ASXL3: variants seen among roughly 807,000 people sequenced by gnomAD.
ASXL3 encodes the protein ASXL transcriptional regulator 3, also known as putative Polycomb group protein ASXL3.
A neutral mutation model predicts 170.6 loss-of-function variants in ASXL3; 34 were observed. The observed-to-expected ratio is 0.20, with a 90% confidence interval of 0.15 to 0.27. The LOEUF is 0.27. Among genes scored for constraint, ASXL3 ranks in the 10% least tolerant of loss-of-function variants. The pLI is 1.00. For synonymous variants in ASXL3, 1,002 were observed against 989.1 expected (o/e 1.01, Z -0.24); for missense variants, 2,592 against 2,695.3 (o/e 0.96, Z 0.85).
chr18:33,702,623 C>T (rs2066893028), intron 8 of ASXL3, among the ~76,000 whole-genome samples: 2 of 152,078 alleles, frequency 1.3e-5, no homozygotes, highest in Admixed American at 1.3e-4. Flanking sequence ...TTTATTTTAT[C>T]ATTATATACC....
chr18:33,590,111 G>GTTTTTTTTTTTTTTGT (rs2065064889), intron 1 of ASXL3, among the ~76,000 whole-genome samples: 1 of 83,184 alleles, frequency 1.2e-5, no homozygotes, highest in African/African-American at 6.9e-5. Context: ...TGCTTTCTAT[G>GTTTTTTTTTTTTTTGT]TTTTTTTTTT....
At chr18:33,742,738 C>T (rs1349669424) in intron 11 of ASXL3, 150 bp from the exon 12 acceptor site, 4 of 1,182,308 alleles carry the variant, frequency 3.4e-6, no homozygotes, top group African/African-American at 3.1e-5. Context: ...TGCTTTATGC[C>T]CTAAGGGTGC....
At chr18:33,598,532 T>C (rs1222073834) in intron 1 of ASXL3, among the ~76,000 whole-genome samples, 1 of 152,176 alleles carries the variant, frequency 6.6e-6, no homozygotes, top group Non-Finnish European at 1.5e-5. Flanking sequence ...AGTTAACTAA[T>C]GTCTGCCTCT....
chr18:33,684,636 C>T (rs998524723), intron 8 of ASXL3, among the ~76,000 whole-genome samples: 1 of 152,036 alleles, frequency 6.6e-6, no homozygotes, highest in African/African-American at 2.4e-5. Context: ...AATATTTACC[C>T]TGAATATGAT....
At chr18:33,684,431 TTTTA>T (rs2066560757) in intron 8 of ASXL3, among the ~76,000 whole-genome samples, 1 of 152,166 alleles carries the variant, frequency 6.6e-6, no homozygotes. Context: ...TTTCTTAGCT[TTTTA>T]TTTGCTTCTG....
chr18:33,738,355 ATTAAGCATG>A, intron 10 of ASXL3, 123 bp from the exon 11 acceptor site: 1 of 952,748 alleles, frequency 1.0e-6, no homozygotes, highest in Non-Finnish European at 1.5e-6. Flanking sequence ...GTTTACATAA[ATTAAGCATG>A]TTAATGATTA....
chr18:33,727,509 T>TA (rs1399326439), intron 8 of ASXL3, among the ~76,000 whole-genome samples: 1 of 152,176 alleles, frequency 6.6e-6, no homozygotes, highest in African/African-American at 2.4e-5. Context: ...TAAACCTTTA[T>TA]AAAAGTATCT....
At chr18:33,688,285 GTT>G (rs541949761) in intron 8 of ASXL3, among the ~76,000 whole-genome samples, 1 of 152,136 alleles carries the variant, frequency 6.6e-6, no homozygotes, top group African/African-American at 2.4e-5. Context: ...GTAAAAATCT[GTT>G]TTTTAGAAGT....
rs1389876134 is a variant in ASXL3, at chr18:33,744,063, C to T, written c.4215C>T (p.Asp1405=). The T allele has an allele frequency of 1.2e-6, 2 of 1,613,946 alleles. No homozygotes were observed. The highest frequency in any genetic ancestry group is 1.3e-5 in the African/African-American group (1 of 74,950). Reference sequence around the variant, plus strand: ...GCAGTGATTCTGTAGCGGTCACAGACTCTCTGGTTGCACACCCGACCGTCG... The same window carrying T: ...GCAGTGATTCTGTAGCGGTCACAGATTCTCTGGTTGCACACCCGACCGTCG... ...LSCSDSVAVT[D]SLVAHPTVAM... The change falls in exon 12 of 12, where the codon GAC becomes GAT. Residue 1405 remains aspartate (D), a synonymous_variant. Transcript: ENST00000269197.
chr18:33,675,232 G>A (rs1397203018), intron 7 of ASXL3, among the ~76,000 whole-genome samples: 2 of 152,162 alleles, frequency 1.3e-5, no homozygotes, highest in Non-Finnish European at 2.9e-5. Flanking sequence ...GAATAAAAAT[G>A]ATCCTGTGTT....
intron 1 of ASXL3, among the ~76,000 whole-genome samples, chr18:33,583,663 A>AT (rs891712689): frequency 2.0e-5 from 3 of 151,958 alleles, no homozygotes; most frequent in African/African-American, 7.3e-5. Flanking sequence ...AAGTTTTTCT[A>AT]TTTTTTTGAC....
At chr18:33,673,230 C>G (rs1484662213) in intron 7 of ASXL3, among the ~76,000 whole-genome samples, 4 of 152,138 alleles carry the variant, frequency 2.6e-5, no homozygotes, top group Non-Finnish European at 5.9e-5. Context: ...AGCTACCAAC[C>G]TCTGTAAAGT....
intron 2 of ASXL3, among the ~76,000 whole-genome samples, chr18:33,623,395 GCT>G (rs1366187014): frequency 3.9e-5 from 6 of 152,162 alleles, no homozygotes; most frequent in Admixed American, 2.0e-4. Flanking sequence ...TTGAATTCTA[GCT>G]CTGTTTCTTC....
chr18:33,645,082 T>A (rs372752273), intron 3 of ASXL3, 80 bp downstream of exon 3: 1 of 914,868 alleles, frequency 1.1e-6, no homozygotes, highest in Admixed American at 2.5e-5. Flanking sequence ...AAAATTAGAT[T>A]TGAAGAGTAG....
intron 4 of ASXL3, among the ~76,000 whole-genome samples, chr18:33,657,778 G>A (rs1043684627): frequency 9.9e-5 from 15 of 152,068 alleles, no homozygotes; most frequent in African/African-American, 3.6e-4. Flanking sequence ...GTATTGAGAG[G>A]CAAATTTAAA....
chr18:33,744,085 G>A lies in ASXL3; in HGVS notation c.4237G>A (p.Val1413Ile), dbSNP rs753966658. 39 of 1,613,876 alleles carry A rather than the reference G, an allele frequency of 2.4e-5. No individual in the cohort carries two copies. Among genetic ancestry groups the A allele is most frequent in the South Asian group, 1.4e-4 (13 of 91,090 alleles). The change falls in exon 12 of 12, where the codon GTC (valine) becomes ATC (isoleucine). Residue 1413 changes from valine to isoleucine, a missense_variant. This residue lies in a region of ASXL3 where 2,246 missense variants were observed against 2,219.6 expected (regional missense o/e 1.01). Transcript: ENST00000269197. ...AGACTCTCTGGTTGCACACCCGACC[G>A]TCGCAATGTTTACTGGAAACATGCT... ...VTDSLVAHPT[V>I]AMFTGNMLTI... is the part of the protein sequence containing the mutation.
intron 7 of ASXL3, among the ~76,000 whole-genome samples, chr18:33,672,987 A>G (rs2066369275): frequency 6.6e-6 from 1 of 152,134 alleles, no homozygotes; most frequent in Admixed American, 6.5e-5. Flanking sequence ...AGGCCAAATA[A>G]TTTTAGTTAT....
rs146559508 is a variant in ASXL3, at chr18:33,645,343, G to A, written c.246+341G>A. ...CCATGAACTCTTTGACTTAATGACC[G>A]TCAGTTGATATACAGGCTTCACACC... On this transcript the variant is annotated intron_variant, in intron 3 of 11. Coordinates refer to ENST00000269197, the MANE Select transcript of ASXL3 (RefSeq NM_030632.3). Among the ~76,000 whole-genome samples the A allele has an allele frequency of 3.7e-3, 566 of 151,946 alleles. 1 individual carries two copies. Among genetic ancestry groups the A allele is most frequent in the Middle Eastern group, 0.014 (4 of 294 alleles).
intron 2 of ASXL3, chr18:33,614,823 T>TC (rs2065397214): frequency 7.0e-6 from 1 of 143,592 alleles, no homozygotes; most frequent in Admixed American, 6.8e-5. Flanking sequence ...AAAGGAATCT[T>TC]TTTTTTTTTT....
Sources: allele counts gnomAD v4.1 joint callset (sites outside exome capture counted in the v4.1 genomes callset), GRCh38; gene constraint gnomAD v4.1.1; regional missense constraint gnomAD v4.1.1; transcripts MANE v1.5; gene names NCBI Gene and HGNC (gene_info 2026-07-23, HGNC 2026-07-21).